The following BNC2 variants were observed in gnomAD, a reference collection of about 807,000 sequenced individuals.
BNC2 encodes the protein basonuclin zinc finger protein 2.
BNC2 carries 20 observed loss-of-function variants against 76.3 expected under a neutral mutation model. The ratio of observed to expected loss-of-function variants is 0.26; its 90% CI spans 0.18 to 0.38. The LOEUF (loss-of-function observed/expected upper bound fraction) is 0.38. Ranked by LOEUF, BNC2 falls within the 10% of genes least tolerant of loss-of-function variation. The pLI is 1.00. For missense variants in BNC2, 1,382 were observed against 1,399.8 expected (o/e 0.99, Z 0.20); for synonymous variants, 582 against 514.8 (o/e 1.13, Z -1.77).
intron 4 of BNC2, among the ~76,000 whole-genome samples, chr9:16,575,631 C>G (rs955048217): frequency 6.6e-6 from 1 of 152,178 alleles, no homozygotes; most frequent in Non-Finnish European, 1.5e-5. Flanking sequence ...AGGATGTCTT[C>G]CCTTTAGAGC....
At chr9:16,543,838 T>C (rs1818395031) in intron 5 of BNC2, among the ~76,000 whole-genome samples, 1 of 152,110 alleles carries the variant, frequency 6.6e-6, no homozygotes, top group Non-Finnish European at 1.5e-5. Flanking sequence ...ATCTCTCTAA[T>C]AGGGAGGTTA....
intron 1 of BNC2, among the ~76,000 whole-genome samples, chr9:16,806,874 C>T (rs1817927555): frequency 6.6e-6 from 1 of 152,176 alleles, no homozygotes; most frequent in African/African-American, 2.4e-5. Context: ...AACTCTCTCC[C>T]CAGATTGCCA....
intron 3 of BNC2, among the ~76,000 whole-genome samples, chr9:16,607,109 G>A (rs1292977778): frequency 6.8e-6 from 1 of 146,982 alleles, no homozygotes; most frequent in African/African-American, 2.7e-5. Flanking sequence ...CACCACACTT[G>A]GCTGACTTTA....
intron 1 of BNC2, 111 bp downstream of exon 1, chr9:16,870,535 G>T: frequency 7.7e-7 from 1 of 1,303,070 alleles, no homozygotes; most frequent in Non-Finnish European, 1.1e-6. Context: ...CCCTCACGCC[G>T]CGGGCCGGAG....
intron 1 of BNC2, among the ~76,000 whole-genome samples, chr9:16,757,154 C>A (rs1402474825): frequency 6.6e-6 from 1 of 152,170 alleles, no homozygotes; most frequent in African/African-American, 2.4e-5. Context: ...CTAGTACAGA[C>A]AGACTCAATA....
In BNC2 at chr9:16,464,213, G is replaced by A. The variant is rs144943625; in HGVS notation, c.670-26689C>T. ...AAGATCCTCAAATAAATAAATAATT[G>A]TTAAAAATGTATTTATTCATTTTCT... On this transcript the variant is annotated intron_variant, in intron 5 of 6. Transcript: ENST00000380672. 2.9e-3 allele frequency among the ~76,000 whole-genome samples: 437 copies of A among 151,476 alleles called. 3 individuals carry two copies. The highest frequency in any genetic ancestry group is 0.01 in the African/African-American group (424 of 41,326).
At chr9:16,709,649 T>C (rs1028277668) in intron 3 of BNC2, among the ~76,000 whole-genome samples, 13 of 152,244 alleles carry the variant, frequency 8.5e-5, no homozygotes, top group African/African-American at 3.1e-4. Flanking sequence ...AATTGTTTCC[T>C]AATTATTCCT....
intron 3 of BNC2, among the ~76,000 whole-genome samples, chr9:16,629,661 T>C (rs1821103495): frequency 6.6e-6 from 1 of 152,224 alleles, no homozygotes; most frequent in Admixed American, 6.5e-5. Flanking sequence ...CCAAGTCACA[T>C]GATTTTTTTT....
In BNC2 at chr9:16,727,888, T is replaced by A. The variant is rs1469632544; in HGVS notation, c.239A>T (p.Gln80Leu). 1 of 1,614,108 alleles carries A rather than the reference T, an allele frequency of 6.2e-7. No homozygotes were observed. The highest frequency in any genetic ancestry group is 8.5e-7 in the Non-Finnish European group (1 of 1,180,046). The stretch of plus-strand genomic sequence containing the variant: ...AGCCGTAGTCGTTCTGGTTCCGAAC[T>A]GCATGGAGTTGTCAGTACAGGAGTC... ...LRDSCTDNSM[Q>L]FGTRTTTAEP... Residue 80 changes from glutamine (Q) to leucine (L), a missense_variant, in exon 3 of 7, where the codon CAG becomes CTG. This residue lies in a region of BNC2 where 557 missense variants were observed against 540.9 expected (regional missense o/e 1.03). Transcript: ENST00000380672.
At chr9:16,486,930 G>A (rs1028688891) in intron 5 of BNC2, among the ~76,000 whole-genome samples, 1 of 152,096 alleles carries the variant, frequency 6.6e-6, no homozygotes, top group African/African-American at 2.4e-5. Flanking sequence ...TGCCCAGGCT[G>A]GTCTCTCGGA....
chr9:16,765,782 AT>A (rs762499077), intron 1 of BNC2, among the ~76,000 whole-genome samples: 17,417 of 134,618 alleles, frequency 0.13, 1,417 homozygotes, highest in Admixed American at 0.23. Context: ...CACTCTCGTA[AT>A]TTTTTTTTTT....
At chr9:16,687,525 G>C (rs555259745) in intron 3 of BNC2, among the ~76,000 whole-genome samples, 1 of 152,038 alleles carries the variant, frequency 6.6e-6, no homozygotes, top group Admixed American at 6.6e-5. Flanking sequence ...TTCTGCAACA[G>C]TAATTCTCCC....
At chr9:16,569,548 G>C (rs1414011710) in intron 4 of BNC2, among the ~76,000 whole-genome samples, 1 of 152,130 alleles carries the variant, frequency 6.6e-6, no homozygotes, top group Non-Finnish European at 1.5e-5. Context: ...AACAGACTTT[G>C]AAAAGCATTA....
intron 5 of BNC2, among the ~76,000 whole-genome samples, chr9:16,465,064 T>C (rs937488399): frequency 6.6e-6 from 1 of 152,014 alleles, no homozygotes; most frequent in Non-Finnish European, 1.5e-5. Flanking sequence ...TCCAGAAGAG[T>C]AGTCAACAGG....
rs1274809288 is a variant in BNC2, at chr9:16,437,282, G to T, written c.912C>A (p.Ser304Arg). ...SPSLLAHLEN[S>R]NPSSIHHFEN... is the part of the protein sequence containing the mutation. Reference sequence around the variant, plus strand: ...CGAAGTGATGAATGCTGGAAGGATTGCTGTTCTCTAAGTGAGCAAGGAGGC... The same window carrying T: ...CGAAGTGATGAATGCTGGAAGGATTTCTGTTCTCTAAGTGAGCAAGGAGGC... The change falls in exon 6 of 7, where the codon AGC (serine) becomes AGA (arginine). Residue 304 changes from serine to arginine, a missense_variant. This residue lies in a region of BNC2 where 557 missense variants were observed against 540.9 expected (regional missense o/e 1.03). Transcript: ENST00000380672. The T allele has an allele frequency of 1.9e-6, 3 of 1,614,152 alleles. No homozygotes were observed. In the Admixed American group the frequency reaches 5.0e-5, roughly 27 times the overall value.
chr9:16,826,821 T>C (rs968281236), intron 1 of BNC2, among the ~76,000 whole-genome samples: 30 of 152,048 alleles, frequency 2.0e-4, no homozygotes, highest in African/African-American at 6.3e-4. Context: ...GATGGATGGA[T>C]AGATGGATGG....
intron 5 of BNC2, among the ~76,000 whole-genome samples, chr9:16,480,827 C>A (rs552507109): frequency 6.6e-6 from 1 of 152,158 alleles, no homozygotes; most frequent in Non-Finnish European, 1.5e-5. Context: ...TGAGCCTCCC[C>A]GACAAGTGCC....
At position 16,743,918 on chromosome 9, in the gene BNC2, T is replaced by C. The variant is rs545250759; in HGVS notation, c.4-5433A>G. ...TTGTTCACACTATTCTCGGTTTTTT[T>C]CCCCTACCATCTTATACTTTTATTC... On this transcript the variant is annotated intron_variant, in intron 1 of 6. Coordinates refer to ENST00000380672, the MANE Select transcript of BNC2 (RefSeq NM_017637.6). Among the ~76,000 whole-genome samples, 10 of 152,202 alleles carry C rather than the reference T, an allele frequency of 6.6e-5. No homozygotes were observed. The South Asian group carries it at 1.9e-3, about 28-fold the overall frequency.
chr9:16,686,004 A>T (rs765595204), intron 3 of BNC2, among the ~76,000 whole-genome samples: 3 of 151,998 alleles, frequency 2.0e-5, no homozygotes, highest in Non-Finnish European at 4.4e-5. Context: ...GGTGACATAA[A>T]TTTTTTCTTT....
Sources: allele counts gnomAD v4.1 joint callset (sites outside exome capture counted in the v4.1 genomes callset), GRCh38; gene constraint gnomAD v4.1.1; regional missense constraint gnomAD v4.1.1; transcripts MANE v1.5; gene names NCBI Gene and HGNC (gene_info 2026-07-23, HGNC 2026-07-21).